Variants in CNTN5 observed in about 807,000 individuals in gnomAD.
CNTN5 encodes the protein contactin 5, also known as contactin-5.
In CNTN5, 77 loss-of-function variants were observed where a neutral mutation model predicts 129.1. The observed-to-expected ratio is 0.60, with a 90% confidence interval of 0.50 to 0.72. The LOEUF (loss-of-function observed/expected upper bound fraction) is 0.72, where lower values mean the gene tolerates loss of function less well. Ranked by LOEUF, CNTN5 falls within the 30% of genes least tolerant of loss-of-function variation. The probability of loss-of-function intolerance (pLI) is 0.00; values close to 1 mark genes in which losing one functional copy is unlikely to be tolerated. For synonymous variants in CNTN5, 509 were observed against 465.6 expected, an observed-to-expected ratio of 1.09 and a Z score of -1.20; for missense variants, 1,478 against 1,328.8, an observed-to-expected ratio of 1.11 and a Z score of -1.75.
intron 9 of CNTN5, among the ~76,000 whole-genome samples, chr11:100,009,451 T>C: frequency 6.7e-6 from 1 of 148,762 alleles, no homozygotes; most frequent in Non-Finnish European, 1.5e-5. Flanking sequence ...CAGCAAAGTG[T>C]AAAAAAAAAA....
At chr11:100,094,175 C>G (rs1944902125) in intron 13 of CNTN5, among the ~76,000 whole-genome samples, 1 of 152,048 alleles carries the variant, frequency 6.6e-6, no homozygotes, top group African/African-American at 2.4e-5. Flanking sequence ...GAGCAGATGC[C>G]CTGGATCTGG....
At chr11:99,130,146 C>T (rs1225923673) in intron 1 of CNTN5, among the ~76,000 whole-genome samples, 2 of 28,324 alleles carry the variant, frequency 7.1e-5, no homozygotes, top group East Asian at 9.3e-3. Context: ...GCTAAATGCC[C>T]CAATTAAAAT....
Position 99,888,511 on chromosome 11 carries a change from T to C in CNTN5, c.578-27543T>C, listed in dbSNP as rs78663058. 9.4e-3 allele frequency among the ~76,000 whole-genome samples: 1,425 copies of C among 152,300 alleles called. 29 individuals carry two copies. The highest frequency in any genetic ancestry group is 0.033 in the African/African-American group (1,363 of 41,574). On this transcript the variant is annotated intron_variant, in intron 6 of 24. Transcript: ENST00000524871. ...CAACAGGAAGTGCCTAATAAGCCTA[T>C]GGTACTAGTGACAACATGGCAGGGT...
At chr11:99,040,248 C>A (rs1267086425) in intron 1 of CNTN5, among the ~76,000 whole-genome samples, 1 of 151,888 alleles carries the variant, frequency 6.6e-6, no homozygotes, top group African/African-American at 2.4e-5. Flanking sequence ...ATGATTAGAA[C>A]CAAAAGCATT....
chr11:100,085,779 G>C (rs938094924), intron 13 of CNTN5, among the ~76,000 whole-genome samples: 1 of 152,044 alleles, frequency 6.6e-6, no homozygotes. Context: ...GCCAAAATGA[G>C]AGCGTCCTAA....
intron 3 of CNTN5, among the ~76,000 whole-genome samples, chr11:99,613,356 G>T (rs895872607): frequency 5.9e-5 from 9 of 152,252 alleles, no homozygotes; most frequent in Admixed American, 2.6e-4. Flanking sequence ...GCAGTCTTGG[G>T]GAGAAGGGTC....
chr11:100,071,747 G>A lies in CNTN5; in HGVS notation c.1342G>A (p.Val448Met). ...TAATGGAGTATTGATGATCCACAAT[G>A]TGAATCAATCAGATGCTGGAATGTA... Reference protein sequence around the residue: ...MVNGVLMIHNVNQSDAGMYQC... With the variant: ...MVNGVLMIHNMNQSDAGMYQC... The change falls in exon 12 of 25, where the codon GTG becomes ATG. Residue 448 changes from valine to methionine, a missense_variant. Transcript: ENST00000524871. The A allele has an allele frequency of 6.2e-7, 1 of 1,600,698 alleles. No homozygotes were observed. The highest frequency in any genetic ancestry group is 8.5e-7 in the Non-Finnish European group (1 of 1,172,538).
intron 6 of CNTN5, among the ~76,000 whole-genome samples, chr11:99,899,491 T>C (rs1949297473): frequency 6.6e-6 from 1 of 152,076 alleles, no homozygotes; most frequent in Non-Finnish European, 1.5e-5. Flanking sequence ...ATCATATAGT[T>C]TTCATTCTTA....
chr11:100,008,116 AAC>A (rs1940306293), intron 9 of CNTN5, among the ~76,000 whole-genome samples: 1 of 152,074 alleles, frequency 6.6e-6, no homozygotes, highest in African/African-American at 2.4e-5. Flanking sequence ...GGAGCTTCAA[AAC>A]AGTTACAATA....
chr11:99,894,583 A>G (rs1471681628), intron 6 of CNTN5, among the ~76,000 whole-genome samples: 1 of 151,678 alleles, frequency 6.6e-6, no homozygotes, highest in African/African-American at 2.4e-5. Context: ...AAGCAAAACA[A>G]ACAAACAAAA....
chr11:100,300,689 C>G (rs1432611538), intron 20 of CNTN5, among the ~76,000 whole-genome samples: 1 of 151,374 alleles, frequency 6.6e-6, no homozygotes, highest in Non-Finnish European at 1.5e-5. Flanking sequence ...TAATATAGAG[C>G]CAAATTTTAA....
At chr11:99,776,236 C>G (rs1053345860) in intron 3 of CNTN5, among the ~76,000 whole-genome samples, 1 of 151,814 alleles carries the variant, frequency 6.6e-6, no homozygotes, top group Non-Finnish European at 1.5e-5. Flanking sequence ...GCTGCAGAAG[C>G]CACACACACA....
chr11:99,485,627 G>A lies in CNTN5; in HGVS notation c.-70-70518G>A, dbSNP rs1038124778. Among the ~76,000 whole-genome samples, 10 of 151,638 alleles carry A rather than the reference G, an allele frequency of 6.6e-5. No individual in the cohort carries two copies. In the South Asian group the frequency reaches 1.0e-3, roughly 16 times the overall value. On this transcript the variant is annotated intron_variant, in intron 2 of 24. Transcript: ENST00000524871. ...TTATTGATTAATAAAAGCATCCTGC[G>A]GAATAAAAATATATACTAGGATAAA... is the stretch of plus-strand genomic sequence containing the variant.
At chr11:99,918,733 T>A (rs1349067842) in intron 7 of CNTN5, among the ~76,000 whole-genome samples, 2 of 152,174 alleles carry the variant, frequency 1.3e-5, no homozygotes, top group Non-Finnish European at 2.9e-5. Flanking sequence ...AATTTCCTTT[T>A]CAAAGGTTTG....
intron 7 of CNTN5, among the ~76,000 whole-genome samples, chr11:99,939,835 T>G (rs962905234): frequency 1.3e-5 from 2 of 152,158 alleles, no homozygotes; most frequent in African/African-American, 4.8e-5. Flanking sequence ...TCTATATGTT[T>G]GTGTTATGGA....
intron 9 of CNTN5, among the ~76,000 whole-genome samples, chr11:100,049,224 TATA>T (rs1197857076): frequency 1.3e-5 from 2 of 152,016 alleles, no homozygotes; most frequent in African/African-American, 2.4e-5. Context: ...AAAGAAAAAA[TATA>T]ATAATGTGTT....
intron 3 of CNTN5, among the ~76,000 whole-genome samples, chr11:99,798,493 G>A (rs1946017287): frequency 6.6e-6 from 1 of 152,134 alleles, no homozygotes; most frequent in South Asian, 2.1e-4. Flanking sequence ...CAGTTAGACA[G>A]CTATCCCAGC....
intron 3 of CNTN5, among the ~76,000 whole-genome samples, chr11:99,638,623 G>A (rs1298843332): frequency 2.0e-5 from 3 of 152,118 alleles, no homozygotes; most frequent in Non-Finnish European, 4.4e-5. Flanking sequence ...ATTCCCAACG[G>A]GAGAAATCGG....
At chr11:99,273,410 C>A (rs149008274) in intron 1 of CNTN5, among the ~76,000 whole-genome samples, 17 of 151,904 alleles carry the variant, frequency 1.1e-4, no homozygotes, top group African/African-American at 3.9e-4. Flanking sequence ...TGTATCCCAA[C>A]GGGAGGAGTC....
Sources: allele counts gnomAD v4.1 joint callset (sites outside exome capture counted in the v4.1 genomes callset), GRCh38; gene constraint gnomAD v4.1.1; transcripts MANE v1.5; gene names NCBI Gene and HGNC (gene_info 2026-07-23, HGNC 2026-07-21).